CDK6: variants seen among roughly 807,000 people sequenced by gnomAD.
CDK6 encodes cyclin dependent kinase 6.
CDK6 carries 6 observed loss-of-function variants against 37.1 expected under a neutral mutation model. The ratio of observed to expected loss-of-function variants is 0.16; its 90% confidence interval spans 0.09 to 0.32. The LOEUF (loss-of-function observed/expected upper bound fraction) is 0.32, where lower values mean the gene tolerates loss of function less well. Among genes scored for constraint, CDK6 ranks in the 10% least tolerant of loss-of-function variants. The pLI is 1.00. For synonymous variants in CDK6, 160 were observed against 161.3 expected (o/e 0.99, Z 0.06); for missense variants, 224 against 418.9 (o/e 0.53, Z 4.06).
intron 4 of CDK6, among the ~76,000 whole-genome samples, chr7:92,717,921 G>A (rs951021253): frequency 1.3e-5 from 2 of 152,150 alleles, no homozygotes; most frequent in Non-Finnish European, 2.9e-5. Context: ...TGCCTTCACC[G>A]TGGAGGCAGA....
At position 92,609,741 on chromosome 7, in the gene CDK6, A is replaced by T. The variant is rs1459518972; in HGVS notation, c.*5399T>A. 8.7e-6 allele frequency: 2 copies of T among 231,048 alleles called. No homozygotes were observed. The highest frequency in any genetic ancestry group is 1.7e-5 in the Non-Finnish European group (2 of 116,784). 14.3% of individuals were successfully genotyped at this position (231,048 alleles called of 1,614,324 possible). A position where few individuals can be genotyped will look rare whatever the true frequency, so the allele number is the denominator to read the frequency against. ...TCTAACGAAACTATCCTGTTCACAG[A>T]TGAGGACTGCCTTTTTAGTAACTAA... On this transcript the variant is annotated 3_prime_UTR_variant, in exon 8 of 8. Transcript: ENST00000424848.
At chr7:92,777,397 C>T (rs192101354) in intron 2 of CDK6, among the ~76,000 whole-genome samples, 2 of 152,324 alleles carry the variant, frequency 1.3e-5, no homozygotes, top group Non-Finnish European at 2.9e-5. Flanking sequence ...CAGGCATGGG[C>T]CACCACGCCC....
intron 3 of CDK6, among the ~76,000 whole-genome samples, chr7:92,753,323 A>ATT (rs1799231213): frequency 6.6e-6 from 1 of 152,088 alleles, no homozygotes; most frequent in Non-Finnish European, 1.5e-5. Context: ...GCCCATACTC[A>ATT]TGAGGGCTCG....
At chr7:92,624,586 A>G (rs925525367) in intron 5 of CDK6, among the ~76,000 whole-genome samples, 2 of 152,164 alleles carry the variant, frequency 1.3e-5, no homozygotes, top group Non-Finnish European at 2.9e-5. Context: ...CAGCAGTCCT[A>G]TAAAACTAAT....
rs1052520160 is a variant in CDK6, at chr7:92,608,777, AG to A, written c.*6362del. ...GCAGCAGGGCACTCTGACCTCGGAA[AG>A]CAGCCCGCGGGGCCGCACATAATTT... is the stretch of plus-strand genomic sequence containing the variant. On this transcript the variant is annotated 3_prime_UTR_variant, in exon 8 of 8. Transcript: ENST00000424848. 5 of 231,670 alleles carry A rather than the reference AG, an allele frequency of 2.2e-5. No individual in the cohort carries two copies. Among genetic ancestry groups the A allele is most frequent in the African/African-American group, 1.1e-4 (5 of 45,236 alleles). The allele number at this position is 231,670 out of a possible 1,614,324, so 14.4% of individuals were successfully genotyped here. A position where few individuals can be genotyped will look rare whatever the true frequency, so the allele number is the denominator to read the frequency against.
At chr7:92,740,469 C>A (rs140469310) in intron 3 of CDK6, among the ~76,000 whole-genome samples, 2 of 152,194 alleles carry the variant, frequency 1.3e-5, no homozygotes, top group Admixed American at 1.3e-4. Flanking sequence ...ATGCTCTGAG[C>A]ATAGTTCTGG....
intron 4 of CDK6, among the ~76,000 whole-genome samples, chr7:92,712,895 A>ATGGAGTCTCACTCTGTTGCCCAGGC: frequency 6.8e-6 from 1 of 147,796 alleles, no homozygotes; most frequent in African/African-American, 2.6e-5. Context: ...TTTATTTGAG[A>ATGGAGTCTCACTCTGTTGCCCAGGC]TGGAGTCTCA....
intron 2 of CDK6, among the ~76,000 whole-genome samples, chr7:92,787,294 A>C (rs981322411): frequency 1.3e-5 from 2 of 152,010 alleles, no homozygotes; most frequent in Non-Finnish European, 2.9e-5. Context: ...TACTGTGAGA[A>C]CCTATTAATT....
At chr7:92,793,103 G>A (rs564264973) in intron 2 of CDK6, among the ~76,000 whole-genome samples, 31 of 152,026 alleles carry the variant, frequency 2.0e-4, no homozygotes, top group Non-Finnish European at 4.3e-4. Flanking sequence ...AGAAATAAAA[G>A]AGCTAAATAA....
intron 5 of CDK6, among the ~76,000 whole-genome samples, chr7:92,633,113 T>TA (rs1373042862): frequency 6.6e-6 from 1 of 151,988 alleles, no homozygotes; most frequent in African/African-American, 2.4e-5. Context: ...AAGGACACAT[T>TA]AAAAAAACTA....
chr7:92,745,283 A>G (rs1173356479), intron 3 of CDK6, among the ~76,000 whole-genome samples: 2 of 152,348 alleles, frequency 1.3e-5, no homozygotes, highest in East Asian at 3.9e-4. Flanking sequence ...GTATTCCAAG[A>G]ATTTCTTCAC....
chr7:92,757,319 A>G (rs1799340377), intron 3 of CDK6, among the ~76,000 whole-genome samples: 1 of 152,104 alleles, frequency 6.6e-6, no homozygotes, highest in Non-Finnish European at 1.5e-5. Flanking sequence ...TCCACCCTCA[A>G]GTAGACTCCA....
chr7:92,737,244 T>C (rs1798810083), intron 3 of CDK6, among the ~76,000 whole-genome samples: 1 of 152,228 alleles, frequency 6.6e-6, no homozygotes, highest in African/African-American at 2.4e-5. Flanking sequence ...AGTTAGTATG[T>C]GGATAGCCTT....
chr7:92,790,073 A>G (rs879842322), intron 2 of CDK6, among the ~76,000 whole-genome samples: 4 of 152,156 alleles, frequency 2.6e-5, no homozygotes, highest in African/African-American at 4.8e-5. Context: ...TTCTCTCTCC[A>G]AAATAGTACT....
intron 5 of CDK6, among the ~76,000 whole-genome samples, chr7:92,634,014 T>C (rs529919867): frequency 2.0e-5 from 3 of 152,190 alleles, no homozygotes; most frequent in Non-Finnish European, 4.4e-5. Flanking sequence ...CTTGGCAGTG[T>C]TTTTATTTTC....
chr7:92,691,762 G>C (rs1041852232), intron 4 of CDK6, among the ~76,000 whole-genome samples: 1 of 152,202 alleles, frequency 6.6e-6, no homozygotes, highest in African/African-American at 2.4e-5. Flanking sequence ...ATGGAGAAAT[G>C]TAAGACTTCA....
At chr7:92,798,109 T>C (rs1029250301) in intron 2 of CDK6, among the ~76,000 whole-genome samples, 1 of 152,220 alleles carries the variant, frequency 6.6e-6, no homozygotes, top group African/African-American at 2.4e-5. Context: ...GTTAGAGAAT[T>C]TTGTTCCTGG....
chr7:92,734,248 T>C (rs1341589150), intron 3 of CDK6, among the ~76,000 whole-genome samples: 3 of 152,218 alleles, frequency 2.0e-5, no homozygotes, highest in Admixed American at 6.5e-5. Context: ...GCTCCCACTA[T>C]AGCGGGTCTG....
chr7:92,652,823 C>T (rs964932011), intron 5 of CDK6, among the ~76,000 whole-genome samples: 5 of 152,172 alleles, frequency 3.3e-5, no homozygotes, highest in African/African-American at 1.2e-4. Flanking sequence ...AGTATGGCAT[C>T]CTGTTCTTGA....
Sources: gnomAD v4.1 joint callset for allele counts (sites outside exome capture counted in the v4.1 genomes callset) on GRCh38, gnomAD v4.1.1 for gene constraint, MANE v1.5 for transcripts, NCBI Gene and HGNC (gene_info 2026-07-23, HGNC 2026-07-21) for gene names.